The following DLGAP1 variants were observed in gnomAD, a reference collection of about 807,000 sequenced individuals.
DLGAP1 encodes DLG associated protein 1, also known as disks large-associated protein 1.
In DLGAP1, 11 loss-of-function variants were observed where a neutral mutation model predicts 90.8. That is an observed-to-expected ratio of 0.12 (90% CI 0.08 to 0.20). The LOEUF is 0.20. Among genes scored for constraint, DLGAP1 ranks in the 10% least tolerant of loss-of-function variants. The pLI is 1.00. For synonymous variants in DLGAP1, 558 were observed against 540.7 expected (o/e 1.03, Z -0.44); for missense variants, 1,050 against 1,333.8 (o/e 0.79, Z 3.31).
intron 3 of DLGAP1, among the ~76,000 whole-genome samples, chr18:3,882,495 T>G (rs1397942916): frequency 1.4e-5 from 2 of 147,392 alleles, no homozygotes; most frequent in African/African-American, 5.0e-5. Flanking sequence ...CCGCTATACT[T>G]CAGCCTGGGT....
rs569810834 is a variant in DLGAP1 at position 3,909,186 on chromosome 18, C to T, written c.-72-29046G>A. 3.2e-3 allele frequency among the ~76,000 whole-genome samples: 488 copies of T among 152,324 alleles called. 2 individuals carry two copies. Among genetic ancestry groups the T allele is most frequent in the Non-Finnish European group, 5.1e-3 (348 of 68,028 alleles). ...AGGCAAAAGGTGGTAAAAGTAGTTT[C>T]TGTCCTAAACAGTTGAAACCAATTG... On this transcript the variant is annotated intron_variant, in intron 3 of 12. Coordinates refer to ENST00000315677, the MANE Select transcript of DLGAP1 (RefSeq NM_004746.4).
intron 7 of DLGAP1, among the ~76,000 whole-genome samples, chr18:3,622,134 T>C (rs2058115605): frequency 6.6e-6 from 1 of 151,626 alleles, no homozygotes; most frequent in African/African-American, 2.4e-5. Flanking sequence ...ATATGGAGTC[T>C]CGCTCTGTCG....
chr18:3,823,872 C>T (rs1480989442), intron 4 of DLGAP1, among the ~76,000 whole-genome samples: 6 of 141,248 alleles, frequency 4.2e-5, no homozygotes, highest in Non-Finnish European at 9.0e-5. Context: ...ATTGCTTGAA[C>T]CTGGGAGGTG....
chr18:3,906,000 A>C (rs1439393670), intron 3 of DLGAP1, among the ~76,000 whole-genome samples: 1 of 152,196 alleles, frequency 6.6e-6, no homozygotes, highest in African/African-American at 2.4e-5. Context: ...TGTTCTGCAA[A>C]ACATACCTGA....
At position 3,724,789 on chromosome 18, in the gene DLGAP1, G is replaced by A. The variant is rs573675705; in HGVS notation, c.1591+4346C>T. Among the ~76,000 whole-genome samples, 8 of 151,822 alleles carry A rather than the reference G, an allele frequency of 5.3e-5. No homozygotes were observed. In the South Asian group the frequency reaches 1.7e-3, roughly 32 times the overall value. Reference sequence around the variant, plus strand: ...GTGGTGATGTGCACCTGTATTCCCAGCTACCTGAGTTCAGGAGGCTGAGGT... The same window carrying A: ...GTGGTGATGTGCACCTGTATTCCCAACTACCTGAGTTCAGGAGGCTGAGGT... On this transcript the variant is annotated intron_variant, in intron 7 of 12. Transcript: ENST00000315677.
chr18:4,405,455 C>G (rs2082642524), intron 1 of DLGAP1, among the ~76,000 whole-genome samples: 1 of 152,136 alleles, frequency 6.6e-6, no homozygotes, highest in Non-Finnish European at 1.5e-5. Flanking sequence ...TTAACTCCAG[C>G]ACAGTGTCAG....
intron 1 of DLGAP1, among the ~76,000 whole-genome samples, chr18:4,427,483 C>G (rs759817159): frequency 6.6e-6 from 1 of 152,138 alleles, no homozygotes; most frequent in African/African-American, 2.4e-5. Context: ...AACGAAGGAA[C>G]CTTAGATTGG....
chr18:3,523,322 A>T (rs2051337481), intron 10 of DLGAP1, among the ~76,000 whole-genome samples: 1 of 151,998 alleles, frequency 6.6e-6, no homozygotes, highest in South Asian at 2.1e-4. Flanking sequence ...GTTTGCAGTG[A>T]GCCAAGATCA....
intron 7 of DLGAP1, among the ~76,000 whole-genome samples, chr18:3,703,559 T>A (rs342486): frequency 2.6e-5 from 4 of 152,048 alleles, no homozygotes; most frequent in Non-Finnish European, 5.9e-5. Context: ...GGAGAGCGAG[T>A]GGCTGTTGTC....
intron 3 of DLGAP1, chr18:3,977,683 C>A: frequency 3.1e-6 from 1 of 323,882 alleles, no homozygotes; most frequent in South Asian, 3.0e-5. Flanking sequence ...GTCTACTACC[C>A]TGTTGCTGTA....
chr18:3,688,014 C>A (rs2060761072), intron 7 of DLGAP1, among the ~76,000 whole-genome samples: 1 of 149,984 alleles, frequency 6.7e-6, no homozygotes, highest in Non-Finnish European at 1.5e-5. Flanking sequence ...TCAACTGATT[C>A]TCCTGCCTCA....
At chr18:3,802,204 T>G (rs932505733) in intron 5 of DLGAP1, among the ~76,000 whole-genome samples, 4 of 151,492 alleles carry the variant, frequency 2.6e-5, no homozygotes, top group South Asian at 2.1e-4. Context: ...AGGCTGGTCT[T>G]GAACTCCTGA....
At chr18:3,828,221 T>C (rs1294840786) in intron 4 of DLGAP1, among the ~76,000 whole-genome samples, 2 of 152,122 alleles carry the variant, frequency 1.3e-5, no homozygotes, top group Non-Finnish European at 2.9e-5. Context: ...CCAGATGAAG[T>C]GAGTCCATCA....
At chr18:4,241,088 G>A (rs1355271879) in intron 1 of DLGAP1, among the ~76,000 whole-genome samples, 1 of 152,112 alleles carries the variant, frequency 6.6e-6, no homozygotes, top group Non-Finnish European at 1.5e-5. Flanking sequence ...TTTATTAAAA[G>A]CCAAAACAAT....
At chr18:4,391,046 A>G (rs2082330749) in intron 1 of DLGAP1, among the ~76,000 whole-genome samples, 1 of 152,216 alleles carries the variant, frequency 6.6e-6, no homozygotes, top group African/African-American at 2.4e-5. Context: ...CGATTGACAC[A>G]TATAATCAAG....
chr18:3,708,483 A>G (rs140152627), intron 7 of DLGAP1: 80 of 456,624 alleles, frequency 1.8e-4, no homozygotes, highest in African/African-American at 1.4e-3. Context: ...CCAGGATTCC[A>G]GCTTCTTGTC....
intron 1 of DLGAP1, among the ~76,000 whole-genome samples, chr18:4,234,467 G>A (rs1207703899): frequency 6.6e-6 from 1 of 152,068 alleles, no homozygotes; most frequent in African/African-American, 2.4e-5. Context: ...TCTTAGTTAT[G>A]CACCCAGCCA....
intron 7 of DLGAP1, among the ~76,000 whole-genome samples, chr18:3,588,618 A>G (rs374374060): frequency 5.3e-5 from 8 of 151,304 alleles, no homozygotes; most frequent in Admixed American, 2.6e-4. Flanking sequence ...CATCTCTACT[A>G]AAAATACAAA....
intron 4 of DLGAP1, among the ~76,000 whole-genome samples, chr18:3,864,649 T>G (rs918148962): frequency 1.3e-5 from 2 of 152,182 alleles, no homozygotes; most frequent in Admixed American, 1.3e-4. Flanking sequence ...ACTTCTAAGT[T>G]CATCACTGAG....
Sources: gnomAD v4.1 joint callset for allele counts (sites outside exome capture counted in the v4.1 genomes callset) on GRCh38, gnomAD v4.1.1 for gene constraint, MANE v1.5 for transcripts, NCBI Gene and HGNC (gene_info 2026-07-23, HGNC 2026-07-21) for gene names.